CAMK1D: variants seen among roughly 807,000 people sequenced by gnomAD.
CAMK1D encodes the protein calcium/calmodulin-dependent protein kinase type 1D.
A neutral mutation model predicts 47.7 loss-of-function variants in CAMK1D; 9 were observed. The observed-to-expected ratio is 0.19, with a 90% CI of 0.11 to 0.33. The LOEUF (loss-of-function observed/expected upper bound fraction) is 0.33. CAMK1D is among the 10% of genes least tolerant of loss of function. The pLI is 1.00. For synonymous variants in CAMK1D, 184 were observed against 184.9 expected (o/e 0.99, Z 0.04); for missense variants, 291 against 488.7 (o/e 0.60, Z 3.81).
At chr10:12,394,309 C>T (rs914212658) in intron 1 of CAMK1D, among the ~76,000 whole-genome samples, 4 of 152,254 alleles carry the variant, frequency 2.6e-5, no homozygotes, top group Middle Eastern at 3.4e-3. Flanking sequence ...ACCAGAAACT[C>T]CCCAGACCTC....
At chr10:12,751,111 GATAAGATAAGATAA>G (rs2130876774) in intron 3 of CAMK1D, among the ~76,000 whole-genome samples, 1 of 105,100 alleles carries the variant, frequency 9.5e-6, no homozygotes, top group Non-Finnish European at 2.0e-5. Context: ...GATAAGATAA[GATAAGATAAGATAA>G]GAAGGCTTCA....
chr10:12,566,508 T>C (rs1269126639), intron 2 of CAMK1D, among the ~76,000 whole-genome samples: 1 of 152,218 alleles, frequency 6.6e-6, no homozygotes, highest in Non-Finnish European at 1.5e-5. Flanking sequence ...TCTGCTTCTC[T>C]TAATGTTAGA....
chr10:12,622,437 G>C (rs549027743), intron 2 of CAMK1D, among the ~76,000 whole-genome samples: 1 of 148,990 alleles, frequency 6.7e-6, no homozygotes, highest in South Asian at 2.1e-4. Context: ...AGTAAACTCA[G>C]GGGTCTCAGT....
At chr10:12,664,727 A>G (rs970743599) in intron 2 of CAMK1D, among the ~76,000 whole-genome samples, 2 of 152,216 alleles carry the variant, frequency 1.3e-5, no homozygotes, top group Admixed American at 1.3e-4. Context: ...ACAACCATGC[A>G]ATACTTGGGA....
chr10:12,806,364 G>A (rs1014404583), intron 6 of CAMK1D, among the ~76,000 whole-genome samples: 10 of 152,246 alleles, frequency 6.6e-5, no homozygotes, highest in African/African-American at 2.4e-4. Context: ...CCTGACAGGC[G>A]GTTTTATTAA....
intron 1 of CAMK1D, among the ~76,000 whole-genome samples, chr10:12,431,733 CTTCTT>C (rs1441254608): frequency 6.6e-6 from 1 of 152,250 alleles, no homozygotes; most frequent in Non-Finnish European, 1.5e-5. Context: ...CTTTTCTCCT[CTTCTT>C]TTCTACTTCC....
intron 7 of CAMK1D, among the ~76,000 whole-genome samples, chr10:12,815,703 C>T (rs991805239): frequency 6.6e-6 from 1 of 152,246 alleles, no homozygotes; most frequent in Non-Finnish European, 1.5e-5. Context: ...ACTACTCCCC[C>T]ACTTCCCCCA....
intron 1 of CAMK1D, among the ~76,000 whole-genome samples, chr10:12,416,760 T>C (rs1338877958): frequency 2.0e-5 from 3 of 152,264 alleles, no homozygotes; most frequent in African/African-American, 7.2e-5. Context: ...AGTGAAGTTC[T>C]GTTTTTCCGG....
chr10:12,594,433 A>T (rs576221103), intron 2 of CAMK1D, among the ~76,000 whole-genome samples: 24 of 152,248 alleles, frequency 1.6e-4, no homozygotes, highest in African/African-American at 5.3e-4. Flanking sequence ...ACATTTTGGG[A>T]TGGGTTAATT....
chr10:12,561,502 C>G (rs12764138), intron 2 of CAMK1D, among the ~76,000 whole-genome samples: 1 of 151,734 alleles, frequency 6.6e-6, no homozygotes, highest in Non-Finnish European at 1.5e-5. Flanking sequence ...TATTTAGTGT[C>G]CTTCCTCCTT....
intron 1 of CAMK1D, among the ~76,000 whole-genome samples, chr10:12,472,496 C>CT (rs11423887): frequency 0.6 from 90,318 of 151,726 alleles, 27,158 homozygotes; most frequent in East Asian, 0.83. Context: ...CTGTCTCACT[C>CT]TTCAGTTCGG....
In CAMK1D at chr10:12,825,633, C is replaced by T; in HGVS notation, c.982C>T (p.Leu328=). The change falls in exon 10 of 11, where the codon CTG becomes TTG. Residue 328 remains leucine (L), a synonymous_variant. Transcript: ENST00000619168. Reference sequence around the variant, plus strand: ...GAGAAAACTACACCTCGGCAGCAGCCTGGACAGTTCAAATGCAAGTGTTTC... The same window carrying T: ...GAGAAAACTACACCTCGGCAGCAGCTTGGACAGTTCAAATGCAAGTGTTTC... ...HMRKLHLGSS[L]DSSNASVSSS... is the part of the protein sequence containing the mutation. 6.2e-7 allele frequency: 1 copy of T among 1,614,256 alleles called. No homozygotes were observed. Among genetic ancestry groups the T allele is most frequent in the Non-Finnish European group, 8.5e-7 (1 of 1,180,036 alleles).
chr10:12,571,973 A>G (rs1300669971), intron 2 of CAMK1D, among the ~76,000 whole-genome samples: 2 of 152,122 alleles, frequency 1.3e-5, no homozygotes, highest in African/African-American at 4.8e-5. Context: ...GTATCCTAAC[A>G]AAAAGCTTTT....
At chr10:12,689,915 G>A (rs1832809158) in intron 3 of CAMK1D, among the ~76,000 whole-genome samples, 1 of 152,164 alleles carries the variant, frequency 6.6e-6, no homozygotes. Context: ...CTGGTTTGGA[G>A]TTCAACCTTT....
At chr10:12,574,509 G>C (rs1334070830) in intron 2 of CAMK1D, among the ~76,000 whole-genome samples, 2 of 138,730 alleles carry the variant, frequency 1.4e-5, no homozygotes, top group Non-Finnish European at 3.0e-5. Context: ...GTAGAGACGG[G>C]GCTTCGCCAT....
chr10:12,827,279 T>TCTCTC (rs1564593597), intron 10 of CAMK1D, among the ~76,000 whole-genome samples: 1 of 12,576 alleles, frequency 8.0e-5, no homozygotes, highest in Non-Finnish European at 2.1e-4. Context: ...TCTCTTTCTT[T>TCTCTC]TCTTTTTCTT....
intron 1 of CAMK1D, among the ~76,000 whole-genome samples, chr10:12,380,495 G>A (rs1838306846): frequency 6.6e-6 from 1 of 152,088 alleles, no homozygotes; most frequent in South Asian, 2.1e-4. Flanking sequence ...AGTTTTTCAT[G>A]TGATTATTGC....
intron 3 of CAMK1D, among the ~76,000 whole-genome samples, chr10:12,756,119 CT>C (rs1357870476): frequency 6.6e-6 from 1 of 152,182 alleles, no homozygotes; most frequent in East Asian, 1.9e-4. Context: ...ACTGTTTGGC[CT>C]TCTTCATATC....
chr10:12,457,535 C>T (rs1017284519), intron 1 of CAMK1D, among the ~76,000 whole-genome samples: 4 of 152,070 alleles, frequency 2.6e-5, no homozygotes, highest in Admixed American at 2.6e-4. Flanking sequence ...CACCTATAAT[C>T]CCATGGGGAG....
Sources: allele counts gnomAD v4.1 joint callset (sites outside exome capture counted in the v4.1 genomes callset), GRCh38; gene constraint gnomAD v4.1.1; transcripts MANE v1.5; gene names NCBI Gene and HGNC (gene_info 2026-07-23, HGNC 2026-07-21).